SLC24A2: variants seen among roughly 807,000 people sequenced by gnomAD.
SLC24A2 encodes the protein sodium/potassium/calcium exchanger 2.
Under a neutral mutation model 62.0 loss-of-function variants are expected in SLC24A2, and 36 were observed. That is an observed-to-expected ratio of 0.58 (90% CI 0.44 to 0.77). SLC24A2 has a LOEUF of 0.77. SLC24A2 is among the 30% of genes least tolerant of loss of function. SLC24A2 has a pLI of 0.00. For synonymous variants in SLC24A2, 358 were observed against 294.0 expected (o/e 1.22, Z -2.23); for missense variants, 846 against 817.9 (o/e 1.03, Z -0.42).
intron 4 of SLC24A2, among the ~76,000 whole-genome samples, chr9:19,609,163 C>A (rs188195314): frequency 6.6e-6 from 1 of 152,376 alleles, no homozygotes; most frequent in Non-Finnish European, 1.5e-5. Context: ...TCCACCAGGG[C>A]GCTTGCCATG....
At chr9:19,636,315 T>TTTTCTTTTCTTTCTTTCTTTCTTTC in intron 2 of SLC24A2, among the ~76,000 whole-genome samples, 39 of 40,220 alleles carry the variant, frequency 9.7e-4, no homozygotes, top group Non-Finnish European at 1.1e-3. Context: ...TTTTCTTTTC[T>TTTTCTTTTCTTTCTTTCTTTCTTTC]TTTCTTTCTT....
the SLC24A2 span, among the ~76,000 whole-genome samples, chr9:19,836,827 C>T: frequency 6.6e-6 from 1 of 152,174 alleles, no homozygotes; most frequent in Admixed American, 6.5e-5. Flanking sequence ...CAAAAATCCT[C>T]AATAAAATAC....
At chr9:20,008,468 G>A in the SLC24A2 span, among the ~76,000 whole-genome samples, 3 of 152,200 alleles carry the variant, frequency 2.0e-5, no homozygotes, top group East Asian at 5.8e-4. Context: ...AAGGATAACT[G>A]TATCTACATT....
chr9:20,108,497 A>G, the SLC24A2 span, among the ~76,000 whole-genome samples: 1 of 152,222 alleles, frequency 6.6e-6, no homozygotes, highest in African/African-American at 2.4e-5. Flanking sequence ...GCACATATAC[A>G]CCATGGAATA....
chr9:19,896,274 T>C, the SLC24A2 span, among the ~76,000 whole-genome samples: 1 of 152,260 alleles, frequency 6.6e-6, no homozygotes, highest in Non-Finnish European at 1.5e-5. Flanking sequence ...CAGCAATCTG[T>C]TGAAAAGAGC....
the SLC24A2 span, among the ~76,000 whole-genome samples, chr9:19,837,768 C>T: frequency 2.2e-3 from 337 of 151,990 alleles, 2 homozygotes; most frequent in African/African-American, 7.7e-3. Flanking sequence ...TTCTTATATA[C>T]CAATAACAGA....
At chr9:19,783,713 T>A (rs1257935203) in intron 2 of SLC24A2, among the ~76,000 whole-genome samples, 2 of 152,220 alleles carry the variant, frequency 1.3e-5, no homozygotes, top group African/African-American at 4.8e-5. Context: ...AATTGGCAAG[T>A]GGTATTTCCT....
intron 2 of SLC24A2, among the ~76,000 whole-genome samples, chr9:19,714,740 C>G (rs890092520): frequency 1.3e-5 from 2 of 152,120 alleles, no homozygotes; most frequent in Non-Finnish European, 2.9e-5. Context: ...TATCATGTCA[C>G]AGTTATCCAT....
At chr9:19,738,622 GAATT>G (rs897156148) in intron 2 of SLC24A2, among the ~76,000 whole-genome samples, 1 of 152,006 alleles carries the variant, frequency 6.6e-6, no homozygotes, top group African/African-American at 2.4e-5. Flanking sequence ...TAAACTATTT[GAATT>G]AATAACTAAA....
At chr9:20,246,728 G>A in the SLC24A2 span, among the ~76,000 whole-genome samples, 1 of 152,186 alleles carries the variant, frequency 6.6e-6, no homozygotes, top group Non-Finnish European at 1.5e-5. Context: ...TGGTCTGTGG[G>A]CCTTGGAATC....
chr9:19,744,209 A>C (rs1465695176), intron 2 of SLC24A2, among the ~76,000 whole-genome samples: 1 of 152,138 alleles, frequency 6.6e-6, no homozygotes, highest in Non-Finnish European at 1.5e-5. Context: ...GAGGATAAAG[A>C]TCATCATCTT....
the SLC24A2 span, among the ~76,000 whole-genome samples, chr9:19,842,315 T>C: frequency 3.9e-5 from 6 of 152,192 alleles, no homozygotes. Context: ...AATGAACTGG[T>C]CTTACTACAT....
the SLC24A2 span, among the ~76,000 whole-genome samples, chr9:19,829,838 CACAT>C: frequency 1.6e-5 from 2 of 127,128 alleles, no homozygotes; most frequent in African/African-American, 5.9e-5. Context: ...CACACACACA[CACAT>C]ATATAGAACT....
chr9:20,016,370 G>A, the SLC24A2 span, among the ~76,000 whole-genome samples: 1 of 152,176 alleles, frequency 6.6e-6, no homozygotes, highest in African/African-American at 2.4e-5. Flanking sequence ...GGATATAAAT[G>A]TGGATGTATA....
At chr9:19,697,873 C>CTAATT (rs1198310411) in intron 2 of SLC24A2, among the ~76,000 whole-genome samples, 1 of 152,048 alleles carries the variant, frequency 6.6e-6, no homozygotes, top group African/African-American at 2.4e-5. Context: ...AAAACAATTT[C>CTAATT]TAATTTAATC....
intron 2 of SLC24A2, among the ~76,000 whole-genome samples, chr9:19,723,493 CG>C (rs1339862879): frequency 6.6e-6 from 1 of 152,094 alleles, no homozygotes; most frequent in East Asian, 1.9e-4. Context: ...CCCACCAAAC[CG>C]TCTTAAGCCA....
chr9:19,647,064 G>GCACACACA (rs1227341512), intron 2 of SLC24A2, among the ~76,000 whole-genome samples: 5 of 25,208 alleles, frequency 2.0e-4, no homozygotes, highest in African/African-American at 1.1e-3. Context: ...ACACACACAC[G>GCACACACA]CGCGCACACA....
At chr9:19,729,465 C>G (rs923835034) in intron 2 of SLC24A2, among the ~76,000 whole-genome samples, 1 of 152,122 alleles carries the variant, frequency 6.6e-6, no homozygotes, top group Non-Finnish European at 1.5e-5. Context: ...ATGCACTAAA[C>G]CTAGGTGTCC....
At chr9:20,133,227 T>A in the SLC24A2 span, among the ~76,000 whole-genome samples, 1 of 151,948 alleles carries the variant, frequency 6.6e-6, no homozygotes, top group Admixed American at 6.6e-5. Context: ...CATGCATGCA[T>A]GCACATGTAT....
Sources: allele counts gnomAD v4.1 joint callset (sites outside exome capture counted in the v4.1 genomes callset), GRCh38; gene constraint gnomAD v4.1.1; transcripts MANE v1.5; gene names NCBI Gene and HGNC (gene_info 2026-07-23, HGNC 2026-07-21).